The following SHISA9 variants were observed in gnomAD, a reference collection of about 807,000 sequenced individuals.
SHISA9 encodes protein shisa-9.
SHISA9 carries 13 observed loss-of-function variants against 38.0 expected under a neutral mutation model. The observed-to-expected ratio is 0.34, with a 90% confidence interval of 0.22 to 0.54. The LOEUF (loss-of-function observed/expected upper bound fraction) is 0.54, where lower values mean the gene tolerates loss of function less well. Among genes scored for constraint, SHISA9 ranks in the 20% least tolerant of loss-of-function variants. The pLI is 0.91. For synonymous variants in SHISA9, 275 were observed against 242.0 expected (o/e 1.14, Z -1.27); for missense variants, 538 against 575.8 (o/e 0.93, Z 0.67).
the SHISA9 span, among the ~76,000 whole-genome samples, chr16:13,470,854 A>C: frequency 6.6e-6 from 1 of 152,060 alleles, no homozygotes; most frequent in Non-Finnish European, 1.5e-5. Context: ...GGGCAAAAAA[A>C]CACCGTAAAT....
At chr16:13,337,132 C>A in the SHISA9 span, among the ~76,000 whole-genome samples, 5 of 151,998 alleles carry the variant, frequency 3.3e-5, no homozygotes, top group Admixed American at 3.3e-4. Context: ...TCAAGGAGGC[C>A]CCCTTCTGAA....
chr16:12,912,196 C>T (rs866846821), intron 1 of SHISA9, among the ~76,000 whole-genome samples: 8 of 149,194 alleles, frequency 5.4e-5, no homozygotes, highest in Non-Finnish European at 7.5e-5. Flanking sequence ...GTGAGCGAGC[C>T]CCACTTCAAA....
chr16:13,268,897 C>A, the SHISA9 span, among the ~76,000 whole-genome samples: 1 of 152,094 alleles, frequency 6.6e-6, no homozygotes, highest in Non-Finnish European at 1.5e-5. Flanking sequence ...ACCCACTTAC[C>A]TATTACCAGT....
chr16:13,404,305 A>C, the SHISA9 span, among the ~76,000 whole-genome samples: 5 of 152,346 alleles, frequency 3.3e-5, no homozygotes, highest in South Asian at 1.0e-3. Context: ...TCTAATAAGC[A>C]TGAAAAGAAA....
intron 2 of SHISA9, among the ~76,000 whole-genome samples, chr16:13,103,051 C>G (rs563415027): frequency 6.6e-6 from 1 of 152,302 alleles, no homozygotes; most frequent in African/African-American, 2.4e-5. Context: ...CACATTTTCT[C>G]TAGTCCTCTC....
intron 3 of SHISA9, among the ~76,000 whole-genome samples, chr16:13,204,365 G>A (rs565152786): frequency 2.0e-3 from 299 of 152,218 alleles, no homozygotes; most frequent in Middle Eastern, 3.4e-3. Flanking sequence ...GGGTGGCTGG[G>A]CGAGGGGCAC....
the SHISA9 span, among the ~76,000 whole-genome samples, chr16:13,422,169 A>G: frequency 1.3e-5 from 2 of 152,170 alleles, no homozygotes; most frequent in African/African-American, 4.8e-5. Context: ...CTGATGTCTG[A>G]TGGCAAATGC....
At chr16:13,082,012 C>T (rs185920641) in intron 2 of SHISA9, among the ~76,000 whole-genome samples, 1 of 152,180 alleles carries the variant, frequency 6.6e-6, no homozygotes, top group South Asian at 2.1e-4. Flanking sequence ...ATTATCTTTT[C>T]AATATTTCAC....
chr16:13,534,847 T>G, the SHISA9 span, among the ~76,000 whole-genome samples: 1 of 152,272 alleles, frequency 6.6e-6, no homozygotes, highest in East Asian at 1.9e-4. Context: ...ATCTTTGCCT[T>G]CTAAAATCTT....
chr16:13,027,580 A>G (rs2072938101), intron 2 of SHISA9, among the ~76,000 whole-genome samples: 1 of 152,196 alleles, frequency 6.6e-6, no homozygotes, highest in African/African-American at 2.4e-5. Context: ...AAACTGTGGT[A>G]CATCCACACA....
intron 2 of SHISA9, among the ~76,000 whole-genome samples, chr16:13,025,141 A>G (rs1460538315): frequency 6.6e-6 from 1 of 152,120 alleles, no homozygotes; most frequent in Admixed American, 6.6e-5. Context: ...TGTTTCATTT[A>G]TTATAACACT....
chr16:13,550,114 A>C, the SHISA9 span, among the ~76,000 whole-genome samples: 3 of 152,116 alleles, frequency 2.0e-5, no homozygotes, highest in Admixed American at 2.0e-4. Flanking sequence ...TTTCAGGAAA[A>C]GGGAACTACA....
chr16:13,178,488 C>T (rs1370224423), intron 2 of SHISA9, among the ~76,000 whole-genome samples: 1 of 152,188 alleles, frequency 6.6e-6, no homozygotes, highest in African/African-American at 2.4e-5. Flanking sequence ...CCCGACACAG[C>T]AGATGGAGCT....
the SHISA9 span, among the ~76,000 whole-genome samples, chr16:13,500,004 A>G: frequency 6.6e-6 from 1 of 152,204 alleles, no homozygotes; most frequent in Non-Finnish European, 1.5e-5. Context: ...GCAAGCAAAT[A>G]TAGCAGCGTG....
chr16:13,306,653 G>A, the SHISA9 span, among the ~76,000 whole-genome samples: 193 of 152,274 alleles, frequency 1.3e-3, no homozygotes, highest in African/African-American at 4.0e-3. Context: ...TTGGCTGAAG[G>A]TCTCAGTTCC....
chr16:12,922,673 C>T (rs2071342898), intron 2 of SHISA9, among the ~76,000 whole-genome samples: 1 of 152,160 alleles, frequency 6.6e-6, no homozygotes, highest in Non-Finnish European at 1.5e-5. Context: ...GCAGATGCCA[C>T]CACACCCGGT....
the SHISA9 span, among the ~76,000 whole-genome samples, chr16:13,408,806 G>A: frequency 6.6e-6 from 1 of 152,190 alleles, no homozygotes; most frequent in Non-Finnish European, 1.5e-5. Flanking sequence ...AAGATACCAA[G>A]TGAGTAAGCA....
chr16:13,019,843 C>CTTTCTTT (rs2072810793), intron 2 of SHISA9, among the ~76,000 whole-genome samples: 2 of 65,968 alleles, frequency 3.0e-5, no homozygotes, highest in African/African-American at 7.6e-5. Context: ...TTTTTCCTTC[C>CTTTCTTT]TTCCCTCCCT....
the SHISA9 span, among the ~76,000 whole-genome samples, chr16:13,486,714 T>A: frequency 6.6e-6 from 1 of 152,344 alleles, no homozygotes; most frequent in East Asian, 1.9e-4. Flanking sequence ...TCTCTTTTTA[T>A]TTTCTTTGAG....
Sources: gnomAD v4.1 joint callset for allele counts (sites outside exome capture counted in the v4.1 genomes callset) on GRCh38, gnomAD v4.1.1 for gene constraint, MANE v1.5 for transcripts, NCBI Gene and HGNC (gene_info 2026-07-23, HGNC 2026-07-21) for gene names.